The following MSC variants were observed in gnomAD, a reference collection of about 807,000 sequenced individuals.
MSC encodes the protein activated B-cell factor 1, homolog of mouse musculin.
MSC carries 16 observed loss-of-function variants against 14.4 expected under a neutral mutation model. The observed-to-expected ratio is 1.11, with a 90% CI of 0.75 to 1.69. The LOEUF is 1.69. Ranked by LOEUF, MSC falls within the 40% of genes most tolerant of loss-of-function variation. MSC has a pLI of 0.00. For synonymous variants in MSC, 165 were observed against 128.5 expected (o/e 1.28, Z -1.92); for missense variants, 320 against 288.1 (o/e 1.11, Z -0.80).
In MSC at chr8:71,843,688, T is replaced by C. The variant is rs776129321; in HGVS notation, c.491A>G (p.Gln164Arg). The C allele has an allele frequency of 5.9e-5, 95 of 1,614,110 alleles. No homozygotes were observed. Among genetic ancestry groups the C allele is most frequent in the Non-Finnish European group, 8.0e-5 (94 of 1,180,042 alleles). Residue 164 changes from glutamine (Q) to arginine (R), a missense_variant, in exon 1 of 2, where the codon CAG becomes CGG. Physicochemically the swap from Gln to Arg is conservative, Grantham distance 43. Transcript: ENST00000325509. ...SYIAHLRQLLQEDRYENGYVH... is the reference protein window; with the variant it reads ...SYIAHLRQLLREDRYENGYVH... ...GTAGCCGTTCTCATAGCGGTCCTCC[T>C]GCAACAGCTGCCGCAGGTGAGCGAT...
At chr8:71,843,564 G>C (rs777262618) in intron 1 of MSC, 81 bp downstream of exon 1, 4 of 1,590,274 alleles carry the variant, frequency 2.5e-6, no homozygotes, top group South Asian at 1.1e-5. Context: ...TCTTCCCAAC[G>C]GGCTGACCCT....
In MSC at chr8:71,843,935, C is replaced by G. The variant is rs1373401503; in HGVS notation, c.244G>C (p.Gly82Arg). ...RKRPRVAGGG[G>R]AGGSAGGGGK... Reference sequence around the variant, plus strand: ...CCACCGCCCGCGCTACCACCTGCGCCGCCGCCCCCAGCCACACGGGGCCGC... The same window carrying G: ...CCACCGCCCGCGCTACCACCTGCGCGGCCGCCCCCAGCCACACGGGGCCGC... The change falls in exon 1 of 2, where the codon GGC becomes CGC. Residue 82 changes from glycine (G) to arginine (R), a missense_variant. Transcript: ENST00000325509. The G allele has an allele frequency of 1.3e-5, 20 of 1,565,028 alleles. No homozygotes were observed. The highest frequency in any genetic ancestry group is 1.7e-5 in the Non-Finnish European group (20 of 1,157,356).
At chr8:71,843,315 T>C in intron 1 of MSC, 1 of 449,162 alleles carries the variant, frequency 2.2e-6, no homozygotes, top group African/African-American at 2.0e-5. Flanking sequence ...TGGATTAAGT[T>C]GGGCAAGGGA....
rs1807407218 is a variant in MSC at position 71,842,621 on chromosome 8, CATTTAA to C, written c.*34_*39del. On this transcript the variant is annotated 3_prime_UTR_variant, in exon 2 of 2. Transcript: ENST00000325509. Reference sequence around the variant, plus strand: ...TCTCTCCGTGGCCCCCAAACACTCGCATTTAACGAATAATCCCATCAAGTGAGTTCC... The same window carrying C: ...TCTCTCCGTGGCCCCCAAACACTCGCCGAATAATCCCATCAAGTGAGTTCC... The C allele has an allele frequency of 6.3e-6, 10 of 1,592,678 alleles. No homozygotes were observed. Among genetic ancestry groups the C allele is most frequent in the Non-Finnish European group, 8.6e-6 (10 of 1,160,780 alleles).
chr8:71,843,606 C>T (rs1281335082), intron 1 of MSC, 39 bp downstream of exon 1: 2 of 1,613,950 alleles, frequency 1.2e-6, no homozygotes, highest in South Asian at 1.1e-5. Flanking sequence ...TGGGTATCTC[C>T]TGGCTGCTCT....
At chr8:71,843,076 ACACACAGTCATC>A in intron 1 of MSC, 2 of 358,194 alleles carry the variant, frequency 5.6e-6, no homozygotes, top group African/African-American at 2.2e-5. Context: ...ACACACACAC[ACACACAGTCATC>A]CACTCCAAGC....
chr8:71,842,432 T>G lies in MSC; in HGVS notation c.*229A>C. On this transcript the variant is annotated 3_prime_UTR_variant, in exon 2 of 2. Transcript: ENST00000325509. ...CGTCTCGTCACGAAAGGAAGCTCTT[T>G]TTGGAGAGGCAAAACGTGGTCGCCC... The G allele has an allele frequency of 1.8e-6, 1 of 550,394 alleles. No individual in the cohort carries two copies. Among genetic ancestry groups the G allele is most frequent in the Non-Finnish European group, 3.3e-6 (1 of 301,454 alleles). The allele number at this position is 550,394 out of a possible 1,614,324, so 34.1% of individuals were successfully genotyped here.
intron 1 of MSC, chr8:71,843,031 A>ACCAC: frequency 3.7e-6 from 1 of 268,506 alleles, no homozygotes; most frequent in Non-Finnish European, 6.9e-6. Flanking sequence ...TCCCTTCCCC[A>ACCAC]ACACACACAC....
chr8:71,843,463 C>T, intron 1 of MSC, 182 bp downstream of exon 1: 1 of 776,714 alleles, frequency 1.3e-6, no homozygotes. Context: ...GTTGATTCTT[C>T]TTCAGGGAAA....
Position 71,842,077 on chromosome 8 carries a change from AGCG to A in MSC, c.*581_*583del, listed in dbSNP as rs139693900. ...TGTGTCTCCACCTAGCCCTGCGAGC[AGCG>A]GCCTTCCTCCCGCCCGTTAGAAGGG... On this transcript the variant is annotated 3_prime_UTR_variant, in exon 2 of 2. Transcript: ENST00000325509. 0.016 allele frequency: 2,595 copies of A among 158,740 alleles called. 73 individuals are homozygous for A. The highest frequency in any genetic ancestry group is 0.059 in the African/African-American group (2,450 of 41,660). 9.8% of individuals were successfully genotyped at this position (158,740 alleles called of 1,614,324 possible). A position where few individuals can be genotyped will look rare whatever the true frequency, so the allele number is the denominator to read the frequency against.
In MSC at chr8:71,843,987, G is replaced by A. The variant is rs1807452829; in HGVS notation, c.192C>T (p.Ala64=). ...TCCTCTTGCAGCCTTCCGCGCTGCC[G>A]GCTGTGCCCAGAGCGCAGCGCTCCT... The part of the protein sequence containing the change: ...GEEERCALGT[A]GSAEGCKRKR... Residue 64 remains alanine, a synonymous_variant, in exon 1 of 2, where the codon GCC becomes GCT. Transcript: ENST00000325509. 6.4e-7 allele frequency: 1 copy of A among 1,565,144 alleles called. No homozygotes were observed. The highest frequency in any genetic ancestry group is 8.6e-7 in the Non-Finnish European group (1 of 1,157,016).
rs1807399886 is a variant in MSC at position 71,842,360 on chromosome 8, CGA to C, written c.*299_*300del. The C allele has an allele frequency of 2.6e-6, 1 of 379,498 alleles. No individual in the cohort carries two copies. Among genetic ancestry groups the C allele is most frequent in the Non-Finnish European group, 5.0e-6 (1 of 198,298 alleles). 23.5% of individuals were successfully genotyped at this position (379,498 alleles called of 1,614,324 possible). A position where few individuals can be genotyped will look rare whatever the true frequency, so the allele number is the denominator to read the frequency against. On this transcript the variant is annotated 3_prime_UTR_variant, in exon 2 of 2. Transcript: ENST00000325509. ...GTCTGGCGCGGGCTGGGGCAGCAGC[CGA>C]GAGTTAGTCTACAGAGCTAGGGCCC... is the stretch of plus-strand genomic sequence containing the variant.
intron 1 of MSC, 90 bp from the exon 2 acceptor site, chr8:71,842,837 C>A (rs529085168): frequency 2.8e-5 from 30 of 1,087,018 alleles, no homozygotes; most frequent in Non-Finnish European, 4.0e-5. Context: ...ATATTCCTGA[C>A]TTGGAGTAGC....
Position 71,843,633 on chromosome 8 carries a change from C to G in MSC, c.534+12G>C. On this transcript the variant is annotated intron_variant, in intron 1 of 1. Transcript: ENST00000325509. ...GGCTGCTCTCCCGAATCCTTGCGCG[C>G]CGCGCCCCTACCAGGTTCACTGGGT... 6.2e-7 allele frequency: 1 copy of G among 1,614,132 alleles called. No homozygotes were observed.
At chr8:71,843,487 C>T (rs1474242356) in intron 1 of MSC, 158 bp downstream of exon 1, 1 of 912,660 alleles carries the variant, frequency 1.1e-6, no homozygotes, top group Admixed American at 2.0e-5. Flanking sequence ...CTGGCCACTC[C>T]CTTGATTTGG....
In MSC at chr8:71,842,736, G is replaced by T. The variant is rs766098609; in HGVS notation, c.546C>A (p.Phe182Leu). The T allele has an allele frequency of 3.1e-6, 5 of 1,613,844 alleles. No individual in the cohort carries two copies. The highest frequency in any genetic ancestry group is 3.4e-6 in the Non-Finnish European group (4 of 1,179,894). ...CAGAGTCCGGTCTTCCCGAGACCACGAATGGCCATGTCTGTAAATCAAAAA... is the reference window on the plus strand; with the variant it reads ...CAGAGTCCGGTCTTCCCGAGACCACTAATGGCCATGTCTGTAAATCAAAAA... ...YVHPVNLTWP[F>L]VVSGRPDSDT... Residue 182 changes from phenylalanine to leucine, a missense_variant, in exon 2 of 2, where the codon TTC becomes TTA. Physicochemically the swap from Phe to Leu is conservative, Grantham distance 22 (BLOSUM62 0). Coordinates refer to ENST00000325509, the MANE Select transcript of MSC (RefSeq NM_005098.4).
At chr8:71,843,079 CACAG>C in intron 1 of MSC, 1 of 352,968 alleles carries the variant, frequency 2.8e-6, no homozygotes. Flanking sequence ...CACACACACA[CACAG>C]TCATCCACTC....
chr8:71,844,033 T>C lies in MSC; in HGVS notation c.146A>G (p.Glu49Gly). 6.3e-7 allele frequency: 1 copy of C among 1,575,930 alleles called. No homozygotes were observed. Among genetic ancestry groups the C allele is most frequent in the Non-Finnish European group, 8.6e-7 (1 of 1,163,596 alleles). ...CTCCTCCTCGCCGTCGGGGTCCTCC[T>C]CCTCTGCCGACGAGTTGTCACTGGG... is the stretch of plus-strand genomic sequence containing the variant. Reference protein sequence around the residue: ...ASPSDNSSAEEEDPDGEEERC... With the variant: ...ASPSDNSSAEGEDPDGEEERC... Residue 49 changes from glutamate (E) to glycine (G), a missense_variant, in exon 1 of 2, where the codon GAG (glutamate) becomes GGG (glycine). Physicochemically the swap from Glu to Gly is moderately conservative, Grantham distance 98. Coordinates refer to ENST00000325509, the MANE Select transcript of MSC (RefSeq NM_005098.4).
rs764192144 is a variant in MSC, at chr8:71,842,658, G to A, written c.*3C>T. On this transcript the variant is annotated 3_prime_UTR_variant, in exon 2 of 2. Transcript: ENST00000325509. ...AATCCCATCAAGTGAGTTCCAGTCCGATTTAAGCGGTGGTTCCACATAGTC... is the reference window on the plus strand; with the variant it reads ...AATCCCATCAAGTGAGTTCCAGTCCAATTTAAGCGGTGGTTCCACATAGTC... The A allele has an allele frequency of 1.7e-5, 27 of 1,613,806 alleles. 1 individual carries two copies. In the South Asian group the frequency reaches 2.6e-4, roughly 16 times the overall value.
Sources: gnomAD v4.1 joint callset for allele counts on GRCh38, gnomAD v4.1.1 for gene constraint, MANE v1.5 for transcripts, NCBI Gene and HGNC (gene_info 2026-07-23, HGNC 2026-07-21) for gene names.